Variants in LMF1 observed in about 807,000 individuals in gnomAD.
The protein encoded by LMF1 is lipase maturation factor 1, also known as transmembrane protein 112.
LMF1 carries 68 observed loss-of-function variants against 60.6 expected under a neutral mutation model. That is an observed-to-expected ratio of 1.12 (90% CI 0.92 to 1.37). The LOEUF is 1.37. Among genes scored for constraint, LMF1 ranks in the 40% most tolerant of loss-of-function variants. LMF1 has a pLI of 0.00. For missense variants in LMF1, 948 were observed against 767.2 expected (o/e 1.24, Z -2.78); for synonymous variants, 418 against 324.7 (o/e 1.29, Z -3.09).
At position 879,582 on chromosome 16, in the gene LMF1, C is replaced by T; in HGVS notation, c.885G>A (p.Gln295=). The part of the protein sequence containing the change: ...RRACIIHGVL[Q]ILFQAVLIVS... ...GGCGCGGGCTCACCTGGAACAGGAT[C>T]TGCAGCACCCCGTGGATGATGCACG... Residue 295 remains glutamine (Q), a synonymous_variant, in exon 6 of 11, where the codon CAG becomes CAA. Coordinates refer to ENST00000262301, the MANE Select transcript of LMF1 (RefSeq NM_022773.4). The T allele has an allele frequency of 6.2e-7, 1 of 1,613,002 alleles. No individual in the cohort carries two copies. The highest frequency in any genetic ancestry group is 2.2e-5 in the East Asian group (1 of 44,864).
At chr16:863,277 A>C (rs1337738184) in intron 10 of LMF1, among the ~76,000 whole-genome samples, 3 of 152,120 alleles carry the variant, frequency 2.0e-5, no homozygotes, top group African/African-American at 7.2e-5. Context: ...AGTAGCTGGG[A>C]CTACAGGCAC....
chr16:907,635 G>A (rs367756188), intron 4 of LMF1, among the ~76,000 whole-genome samples: 23 of 152,198 alleles, frequency 1.5e-4, no homozygotes, highest in East Asian at 9.7e-4. Context: ...GAGTGAATCC[G>A]CCAAGCTGAC....
At chr16:921,459 C>T (rs988388649) in intron 3 of LMF1, among the ~76,000 whole-genome samples, 1 of 152,094 alleles carries the variant, frequency 6.6e-6, no homozygotes, top group African/African-American at 2.4e-5. Context: ...CAAAGCCAAA[C>T]CCCCCGGCGG....
At chr16:911,134 A>G (rs2071101065) in intron 3 of LMF1, 55 bp from the exon 4 acceptor site, 1 of 1,569,056 alleles carries the variant, frequency 6.4e-7, no homozygotes, top group African/African-American at 1.4e-5. Flanking sequence ...CATTTCACAA[A>G]GAAATCATTT....
At chr16:966,106 C>G (rs141157647) in intron 1 of LMF1, among the ~76,000 whole-genome samples, 5 of 152,114 alleles carry the variant, frequency 3.3e-5, no homozygotes, top group African/African-American at 4.8e-5. Context: ...TCGGCAGCCA[C>G]GGAGAGAACA....
At position 874,948 on chromosome 16, in the gene LMF1, G is replaced by A. The variant is rs1358609967; in HGVS notation, c.898-3607C>T. 6.6e-6 allele frequency among the ~76,000 whole-genome samples: 1 copy of A among 152,190 alleles called. No individual in the cohort carries two copies. ...TACGCCTGTGGGGGCAAAAGCCCTA[G>A]TTCAAGACCCCACACTGCCTGTGAG... is the stretch of plus-strand genomic sequence containing the variant. On this transcript the variant is annotated intron_variant, in intron 6 of 10. Coordinates refer to ENST00000262301, the MANE Select transcript of LMF1 (RefSeq NM_022773.4). The surrounding 1 kb of genome is among the most constrained non-coding windows in gnomAD (Gnocchi z 4.1).
At chr16:966,885 A>C (rs550457633) in intron 1 of LMF1, among the ~76,000 whole-genome samples, 21 of 152,346 alleles carry the variant, frequency 1.4e-4, no homozygotes, top group Non-Finnish European at 2.2e-4. Flanking sequence ...AATTCTGACC[A>C]ACTGTAATTA....
upstream of LMF1, among the ~76,000 whole-genome samples, chr16:974,640 T>C (rs901864842): frequency 5.9e-5 from 9 of 152,272 alleles, no homozygotes; most frequent in Middle Eastern, 3.4e-3. Flanking sequence ...CGTCCCGGCC[T>C]GCGCCAGCAC....
intron 10 of LMF1, among the ~76,000 whole-genome samples, chr16:862,310 A>G (rs546108545): frequency 6.6e-6 from 1 of 151,886 alleles, no homozygotes; most frequent in African/African-American, 2.4e-5. Flanking sequence ...TGCCCAGCTA[A>G]TTTTTGTATT....
rs745593906 is a variant in LMF1, at chr16:870,755, G to A, written c.1206C>T (p.Ile402=). The A allele has an allele frequency of 1.2e-4, 187 of 1,612,912 alleles. No individual in the cohort carries two copies. The highest frequency in any genetic ancestry group is 1.4e-4 in the Non-Finnish European group (171 of 1,179,818). Reference sequence around the variant, plus strand: ...TTCCGAAGGCCCCGTAAGTGTTGACGATGTGAAGAGAGTTGAAGTGGGTGT... The same window carrying A: ...TTCCGAAGGCCCCGTAAGTGTTGACAATGTGAAGAGAGTTGAAGTGGGTGT... ...VMNTHFNSLH[I]VNTYGAFGSI... Residue 402 remains isoleucine, a synonymous_variant, in exon 8 of 11, where the codon ATC becomes ATT. Transcript: ENST00000262301.
chr16:941,471 C>T (rs1271008452), intron 2 of LMF1, among the ~76,000 whole-genome samples: 1 of 152,238 alleles, frequency 6.6e-6, no homozygotes, highest in Non-Finnish European at 1.5e-5. Flanking sequence ...GATCTGCCTG[C>T]CTTGGCCTCC....
rs1057069618 is a variant in LMF1, at chr16:860,626, C to T, written c.1530-5920G>A. Among the ~76,000 whole-genome samples, 3 of 152,096 alleles carry T rather than the reference C, an allele frequency of 2.0e-5. No homozygotes were observed. The South Asian group carries it at 6.2e-4, about 32-fold the overall frequency. ...AAAGTGCTGGGATTACAGATGTGGG[C>T]CACCATGCCTGGCCCTGAAAGTTGA... On this transcript the variant is annotated intron_variant, in intron 10 of 10. Coordinates refer to ENST00000262301, the MANE Select transcript of LMF1 (RefSeq NM_022773.4).
In LMF1 at chr16:962,401, C is replaced by T. The variant is rs938145925; in HGVS notation, c.194-7735G>A. Reference sequence around the variant, plus strand: ...GTCCGCAGACACTCCCTTCAGGAGGCGGGGGCTGGACCCAGTGAGCGGCTT... The same window carrying T: ...GTCCGCAGACACTCCCTTCAGGAGGTGGGGGCTGGACCCAGTGAGCGGCTT... On this transcript the variant is annotated intron_variant, in intron 1 of 10. Coordinates refer to ENST00000262301, the MANE Select transcript of LMF1 (RefSeq NM_022773.4). This position sits in a 1 kb window ranked among gnomAD's most constrained non-coding sequence, Gnocchi z 4.5. Among the ~76,000 whole-genome samples the T allele has an allele frequency of 2.0e-5, 3 of 152,232 alleles. No homozygotes were observed. Among genetic ancestry groups the T allele is most frequent in the Non-Finnish European group, 4.4e-5 (3 of 68,044 alleles).
At chr16:875,653 C>T (rs2151708089) in intron 6 of LMF1, among the ~76,000 whole-genome samples, 1 of 152,244 alleles carries the variant, frequency 6.6e-6, no homozygotes, top group Middle Eastern at 3.4e-3. Context: ...GAGGTGGGAT[C>T]CTGAGCACTC....
chr16:959,860 G>A (rs1349505702), intron 1 of LMF1, among the ~76,000 whole-genome samples: 2 of 131,030 alleles, frequency 1.5e-5, no homozygotes, highest in Admixed American at 7.7e-5. Flanking sequence ...GCCAGGACGG[G>A]AGGATGGAAT....
intron 2 of LMF1, among the ~76,000 whole-genome samples, chr16:945,565 G>GTTAAAAAAT (rs58750682): frequency 0.47 from 70,904 of 150,200 alleles, 18,385 homozygotes; most frequent in African/African-American, 0.69. Context: ...CTGGGTCAGA[G>GTTAAAAAAT]TTAAAAAATT....
chr16:870,715 C>G lies in LMF1; in HGVS notation c.1232+14G>C, dbSNP rs1306193424. On this transcript the variant is annotated intron_variant, in intron 8 of 10. Coordinates refer to ENST00000262301, the MANE Select transcript of LMF1 (RefSeq NM_022773.4). ...TATACCCAGCTCCGGGGGACGGGGA[C>G]CCCAGGCTCATACCTTCCGAAGGCC... 3.1e-6 allele frequency: 5 copies of G among 1,612,152 alleles called. No homozygotes were observed. The Admixed American group carries it at 8.3e-5, about 27-fold the overall frequency.
intron 5 of LMF1, 69 bp downstream of exon 5, chr16:892,938 C>T: frequency 1.6e-6 from 2 of 1,260,410 alleles, no homozygotes; most frequent in South Asian, 2.8e-5. Context: ...AGGACTGAGC[C>T]CCGCCAAGAG....
At chr16:959,270 T>C (rs2072773168) in intron 1 of LMF1, among the ~76,000 whole-genome samples, 1 of 152,328 alleles carries the variant, frequency 6.6e-6, no homozygotes, top group South Asian at 2.1e-4. Context: ...GGCAATAACA[T>C]GGATGAATCT....
Sources: allele counts gnomAD v4.1 joint callset (sites outside exome capture counted in the v4.1 genomes callset), GRCh38; gene constraint gnomAD v4.1.1; non-coding constraint Gnocchi (gnomAD v3.1); transcripts MANE v1.5; gene names NCBI Gene and HGNC (gene_info 2026-07-23, HGNC 2026-07-21).